Variants in BEND3 observed in about 807,000 individuals in gnomAD.
BEND3 encodes BEN domain containing 3.
BEND3 carries 13 observed loss-of-function variants against 60.1 expected under a neutral mutation model. The ratio of observed to expected loss-of-function variants is 0.22; its 90% CI spans 0.14 to 0.34. The LOEUF is 0.34. Ranked by LOEUF, BEND3 falls within the 10% of genes least tolerant of loss-of-function variation. The pLI is 1.00. For synonymous variants in BEND3, 497 were observed against 491.5 expected, an observed-to-expected ratio of 1.01 and a Z score of -0.15; for missense variants, 896 against 1,138.1, an observed-to-expected ratio of 0.79 and a Z score of 3.06.
At chr6:107,071,057 T>A in intron 3 of BEND3, 107 bp from the exon 4 acceptor site, 1 of 1,044,316 alleles carries the variant, frequency 9.6e-7, no homozygotes, top group Non-Finnish European at 1.4e-6. Flanking sequence ...CTTGGGAGCA[T>A]GTAAGAAACT....
At chr6:107,100,194 A>G (rs1020357566) in intron 1 of BEND3, among the ~76,000 whole-genome samples, 2 of 151,774 alleles carry the variant, frequency 1.3e-5, no homozygotes, top group Admixed American at 6.6e-5. Flanking sequence ...TATTGATTAC[A>G]TGTTGAAATG....
intron 3 of BEND3, among the ~76,000 whole-genome samples, chr6:107,088,837 C>G (rs1456388311): frequency 2.6e-5 from 4 of 152,114 alleles, no homozygotes; most frequent in African/African-American, 9.7e-5. Context: ...AATAAAGTAT[C>G]TAAGAATTAA....
Position 107,088,873 on chromosome 6 carries a change from G to A in BEND3, c.240+9678C>T, listed in dbSNP as rs535903689. ...TTTAACCAAAGAAGTGAAAGATCTC[G>A]GCCAGGCGCGGTGGCTCACACCTAT... On this transcript the variant is annotated intron_variant, in intron 3 of 3. Coordinates refer to ENST00000369042, the MANE Select transcript of BEND3 (RefSeq NM_001367314.1). Among the ~76,000 whole-genome samples the A allele has an allele frequency of 3.5e-4, 53 of 151,806 alleles. No homozygotes were observed. In the South Asian group the frequency reaches 7.3e-3, roughly 21 times the overall value.
In BEND3 at chr6:107,070,475, T is replaced by C. The variant is rs782067709; in HGVS notation, c.716A>G (p.Lys239Arg). The change falls in exon 4 of 4, where the codon AAA becomes AGA. Residue 239 changes from lysine (K) to arginine (R), a missense_variant. Transcript: ENST00000369042. This position sits in a 1 kb window ranked among gnomAD's most constrained non-coding sequence, Gnocchi z 6.9. Reference sequence around the variant, plus strand: ...CTGGTACTCAGGGGGCGGCTGGAATTTGGCCACCATCTCAGTGGGGCTCAC... The same window carrying C: ...CTGGTACTCAGGGGGCGGCTGGAATCTGGCCACCATCTCAGTGGGGCTCAC... The part of the protein sequence containing the change: ...KQVSPTEMVA[K>R]FQPPPEYQLT... The C allele has an allele frequency of 9.3e-6, 15 of 1,614,114 alleles. No homozygotes were observed. In the South Asian group the frequency reaches 1.6e-4, roughly 18 times the overall value.
At chr6:107,109,246 C>A (rs1775887188) in intron 1 of BEND3, among the ~76,000 whole-genome samples, 1 of 151,406 alleles carries the variant, frequency 6.6e-6, no homozygotes, top group Non-Finnish European at 1.5e-5. Context: ...GGTTGAGAGA[C>A]CAGCCTGGCC....
chr6:107,090,040 T>C (rs1554234929), intron 3 of BEND3, among the ~76,000 whole-genome samples: 1 of 152,046 alleles, frequency 6.6e-6, no homozygotes, highest in Non-Finnish European at 1.5e-5. Flanking sequence ...AGGAATCACA[T>C]TACCTGATTT....
intron 3 of BEND3, among the ~76,000 whole-genome samples, chr6:107,086,575 A>G (rs1048215685): frequency 3.3e-5 from 5 of 150,306 alleles, no homozygotes; most frequent in African/African-American, 1.2e-4. Context: ...AAATCGCGTC[A>G]CTGCACTCTG....
chr6:107,081,261 C>T (rs1308605816), intron 3 of BEND3, among the ~76,000 whole-genome samples: 1 of 147,734 alleles, frequency 6.8e-6, no homozygotes, highest in East Asian at 2.0e-4. Flanking sequence ...TGCTCTGTCA[C>T]TCAGGCTAGA....
chr6:107,105,504 AC>A (rs782290354), intron 1 of BEND3, among the ~76,000 whole-genome samples: 55 of 152,158 alleles, frequency 3.6e-4, no homozygotes, highest in African/African-American at 1.3e-3. Flanking sequence ...TCTCTAGTGA[AC>A]CCATAGGCGG....
At chr6:107,073,216 T>C (rs1360843666) in intron 3 of BEND3, among the ~76,000 whole-genome samples, 1 of 5,680 alleles carries the variant, frequency 1.8e-4, no homozygotes, top group East Asian at 2.0e-3. Flanking sequence ...TATATATATA[T>C]ATATATATAT....
At chr6:107,091,132 T>C (rs1372293763) in intron 3 of BEND3, among the ~76,000 whole-genome samples, 2 of 143,104 alleles carry the variant, frequency 1.4e-5, no homozygotes, top group African/African-American at 2.6e-5. Flanking sequence ...AGAAAGAAAA[T>C]GAAAACTCAA....
rs545960609 is a variant in BEND3 at position 107,105,016 on chromosome 6, C to T, written c.-11-5720G>A. ...CAGTTGGATGAACCTGCAGATGTGG[C>T]GGGGCTGACTGTACATGCACACAGA... On this transcript the variant is annotated intron_variant, in intron 1 of 3. Coordinates refer to ENST00000369042, the MANE Select transcript of BEND3 (RefSeq NM_001367314.1). 5.9e-5 allele frequency among the ~76,000 whole-genome samples: 9 copies of T among 152,076 alleles called. No individual in the cohort carries two copies. In the South Asian group the frequency reaches 8.3e-4, roughly 14 times the overall value.
At chr6:107,095,100 G>A (rs561501243) in intron 3 of BEND3, among the ~76,000 whole-genome samples, 77 of 151,982 alleles carry the variant, frequency 5.1e-4, no homozygotes, top group Admixed American at 8.5e-4. Context: ...AAGGATTACA[G>A]GTGTTAAACC....
intron 3 of BEND3, among the ~76,000 whole-genome samples, chr6:107,071,697 C>T (rs1554232110): frequency 6.6e-6 from 1 of 152,094 alleles, no homozygotes; most frequent in African/African-American, 2.4e-5. Flanking sequence ...GAATATTACT[C>T]AGCAATAAGA....
At chr6:107,082,709 G>A (rs1229820465) in intron 3 of BEND3, among the ~76,000 whole-genome samples, 2 of 152,204 alleles carry the variant, frequency 1.3e-5, no homozygotes, top group East Asian at 1.9e-4. Flanking sequence ...GATTACAGGC[G>A]TGAGCAACCG....
chr6:107,112,530 CAAG>C (rs782413882), intron 1 of BEND3, among the ~76,000 whole-genome samples: 4 of 152,038 alleles, frequency 2.6e-5, no homozygotes, highest in Non-Finnish European at 1.5e-5. Context: ...AGTTCTTCAG[CAAG>C]AAGATGGCAT....
chr6:107,085,191 C>T (rs758666441), intron 3 of BEND3, among the ~76,000 whole-genome samples: 30 of 152,134 alleles, frequency 2.0e-4, no homozygotes, highest in Non-Finnish European at 2.9e-4. Flanking sequence ...ACGAACCCAC[C>T]GGAAGGAACT....
intron 3 of BEND3, among the ~76,000 whole-genome samples, chr6:107,090,378 G>C (rs1775450345): frequency 6.6e-6 from 1 of 152,086 alleles, no homozygotes; most frequent in Admixed American, 6.5e-5. Flanking sequence ...TAAAATTAGG[G>C]AGTTTGTTGC....
chr6:107,084,627 T>C (rs183267191), intron 3 of BEND3, among the ~76,000 whole-genome samples: 203 of 152,096 alleles, frequency 1.3e-3, no homozygotes, highest in Middle Eastern at 3.4e-3. Context: ...ATCAGCACTC[T>C]GTGTCTAGCT....
Sources: allele counts gnomAD v4.1 joint callset (sites outside exome capture counted in the v4.1 genomes callset), GRCh38; gene constraint gnomAD v4.1.1; non-coding constraint Gnocchi (gnomAD v3.1); transcripts MANE v1.5; gene names NCBI Gene and HGNC (gene_info 2026-07-23, HGNC 2026-07-21).